Variants in SGCD observed in about 807,000 individuals in gnomAD.
SGCD encodes delta-sarcoglycan.
Under a neutral mutation model 36.6 loss-of-function variants are expected in SGCD, and 18 were observed. The observed-to-expected ratio is 0.49, with a 90% CI of 0.34 to 0.73. The LOEUF (loss-of-function observed/expected upper bound fraction) is 0.73. Among genes scored for constraint, SGCD ranks in the 30% least tolerant of loss-of-function variants. The pLI is 0.01. For missense variants in SGCD, 387 were observed against 346.7 expected (o/e 1.12, Z -0.92); for synonymous variants, 133 against 130.6 (o/e 1.02, Z -0.12).
intron 1 of SGCD, among the ~76,000 whole-genome samples, chr5:155,905,779 G>T (rs1170955538): frequency 6.6e-6 from 1 of 151,962 alleles, no homozygotes; most frequent in Non-Finnish European, 1.5e-5. Flanking sequence ...AGGGGTTTCT[G>T]CTTTTGCTTT....
At chr5:156,526,823 G>A (rs938313088) in intron 4 of SGCD, among the ~76,000 whole-genome samples, 4 of 152,154 alleles carry the variant, frequency 2.6e-5, no homozygotes, top group Non-Finnish European at 4.4e-5. Flanking sequence ...ACAGAGATAC[G>A]TATTCAAAGG....
intron 3 of SGCD, among the ~76,000 whole-genome samples, chr5:156,237,161 C>A (rs143768141): frequency 5.5e-4 from 83 of 152,008 alleles, no homozygotes; most frequent in Middle Eastern, 3.4e-3. Context: ...ACAACAACAA[C>A]AAAAAATTTA....
intron 3 of SGCD, among the ~76,000 whole-genome samples, chr5:156,475,783 C>A (rs1755153109): frequency 6.6e-6 from 1 of 152,092 alleles, no homozygotes. Flanking sequence ...ACAAGGAATT[C>A]TATTAGAATA....
chr5:156,325,491 C>T (rs1357510532), upstream of SGCD, among the ~76,000 whole-genome samples: 1 of 152,074 alleles, frequency 6.6e-6, no homozygotes, highest in Non-Finnish European at 1.5e-5. Flanking sequence ...GATGAGGAAA[C>T]AGATCGAGAG....
intron 4 of SGCD, among the ~76,000 whole-genome samples, chr5:156,576,769 GT>G (rs1235837543): frequency 2.7e-5 from 4 of 150,860 alleles, no homozygotes; most frequent in South Asian, 4.2e-4. Context: ...TTTTGATGGG[GT>G]TTTTTTTTCT....
At chr5:156,567,379 T>TAGATAGAC (rs1469701352) in intron 4 of SGCD, among the ~76,000 whole-genome samples, 2 of 32,394 alleles carry the variant, frequency 6.2e-5, no homozygotes, top group African/African-American at 2.5e-4. Flanking sequence ...GATAGATAAA[T>TAGATAGAC]AGATAGATAG....
chr5:156,397,904 A>G (rs1166393217), intron 3 of SGCD, among the ~76,000 whole-genome samples: 1 of 152,130 alleles, frequency 6.6e-6, no homozygotes, highest in East Asian at 1.9e-4. Context: ...TCTCTTGCCT[A>G]TTGAAAAACG....
chr5:156,344,825 C>A, intron 3 of SGCD, 148 bp downstream of exon 3: 1 of 596,718 alleles, frequency 1.7e-6, no homozygotes. Context: ...CATTTCTGTT[C>A]AGATTGAATA....
At chr5:155,996,548 C>CG (rs930540684) in intron 1 of SGCD, among the ~76,000 whole-genome samples, 8 of 152,022 alleles carry the variant, frequency 5.3e-5, no homozygotes, top group African/African-American at 1.9e-4. Context: ...GAGGCCGAGG[C>CG]GGGGGGATCA....
intron 1 of SGCD, among the ~76,000 whole-genome samples, chr5:156,097,137 TTG>T (rs900231955): frequency 4.6e-5 from 7 of 152,024 alleles, no homozygotes; most frequent in African/African-American, 1.4e-4. Context: ...TTTTTTTTCG[TTG>T]TCTTTAGTTT....
intron 3 of SGCD, among the ~76,000 whole-genome samples, chr5:156,252,249 G>A (rs899787151): frequency 9.9e-5 from 15 of 151,736 alleles, no homozygotes; most frequent in African/African-American, 3.4e-4. Context: ...GGCTAATTTT[G>A]TATTTTTAGT....
intron 3 of SGCD, among the ~76,000 whole-genome samples, chr5:156,420,542 T>A (rs1773254494): frequency 6.6e-6 from 1 of 152,112 alleles, no homozygotes; most frequent in Non-Finnish European, 1.5e-5. Context: ...TATTTCTGTA[T>A]AATTTGCATA....
At chr5:156,143,008 G>A (rs1236315075) in intron 3 of SGCD, among the ~76,000 whole-genome samples, 1 of 152,196 alleles carries the variant, frequency 6.6e-6, no homozygotes, top group Non-Finnish European at 1.5e-5. Flanking sequence ...AGAAACAGTT[G>A]AAGAAACCCT....
chr5:156,037,267 G>A (rs1295498444), intron 1 of SGCD, among the ~76,000 whole-genome samples: 2 of 152,324 alleles, frequency 1.3e-5, no homozygotes, highest in East Asian at 1.9e-4. Flanking sequence ...GGGACAAGGA[G>A]CCATCTGAGC....
intron 3 of SGCD, among the ~76,000 whole-genome samples, chr5:156,241,208 T>C (rs1765295717): frequency 6.6e-6 from 1 of 151,950 alleles, no homozygotes; most frequent in South Asian, 2.1e-4. Context: ...ACAATCCTTA[T>C]AAGTTCACAG....
chr5:156,413,842 A>ATTTTTTTTT (rs75667204), intron 3 of SGCD, among the ~76,000 whole-genome samples: 1 of 148,034 alleles, frequency 6.8e-6, no homozygotes, highest in Non-Finnish European at 1.5e-5. Context: ...TGGGAAAAGG[A>ATTTTTTTTT]TTTTTTTTTT....
intron 1 of SGCD, among the ~76,000 whole-genome samples, chr5:155,947,024 C>T (rs1247367291): frequency 6.6e-6 from 1 of 152,160 alleles, no homozygotes; most frequent in Non-Finnish European, 1.5e-5. Context: ...CCCAGGTTTC[C>T]AGTCTGTGAC....
rs560965768 is a variant in SGCD, at chr5:156,531,810, G to A, written c.294+23108G>A. 1.3e-3 allele frequency among the ~76,000 whole-genome samples: 194 copies of A among 151,960 alleles called. 1 individual carries two copies. The highest frequency in any genetic ancestry group is 2.0e-3 in the Admixed American group (30 of 15,234). ...GTAATGGGAAAAAAAAAGACTCTAC[G>A]TAAATGTATGGACATGGGCTAGGCA... On this transcript the variant is annotated intron_variant, in intron 4 of 8. Coordinates refer to ENST00000337851, the MANE Select transcript of SGCD (RefSeq NM_000337.6).
intron 7 of SGCD, among the ~76,000 whole-genome samples, chr5:156,725,818 T>C (rs1176180047): frequency 6.6e-6 from 1 of 152,206 alleles, no homozygotes; most frequent in East Asian, 1.9e-4. Context: ...CTGCACACAA[T>C]ATAATGAATG....
Sources: gnomAD v4.1 joint callset for allele counts (sites outside exome capture counted in the v4.1 genomes callset) on GRCh38, gnomAD v4.1.1 for gene constraint, MANE v1.5 for transcripts, NCBI Gene and HGNC (gene_info 2026-07-23, HGNC 2026-07-21) for gene names.